MLLT3: variants seen among roughly 807,000 people sequenced by gnomAD.
MLLT3 encodes MLLT3 super elongation complex subunit.
A neutral mutation model predicts 53.2 loss-of-function variants in MLLT3; 4 were observed. The observed-to-expected ratio is 0.08, with a 90% CI of 0.04 to 0.17. The LOEUF (loss-of-function observed/expected upper bound fraction) is 0.17. Among genes scored for constraint, MLLT3 ranks in the 10% least tolerant of loss-of-function variants. The pLI is 1.00. For synonymous variants in MLLT3, 283 were observed against 230.6 expected, an observed-to-expected ratio of 1.23 and a Z score of -2.06; for missense variants, 569 against 684.0, an observed-to-expected ratio of 0.83 and a Z score of 1.87.
rs1459116065 is a variant in MLLT3 at position 20,588,282 on chromosome 9, T to C, written c.193+32372A>G. 4.0e-5 allele frequency among the ~76,000 whole-genome samples: 6 copies of C among 149,994 alleles called. No homozygotes were observed. The East Asian group carries it at 1.2e-3, about 30-fold the overall frequency. On this transcript the variant is annotated intron_variant, in intron 2 of 10. Coordinates refer to ENST00000380338, the MANE Select transcript of MLLT3 (RefSeq NM_004529.4). The stretch of plus-strand genomic sequence containing the variant: ...GTTTGAAGTCAGGTAGTGTGATGCC[T>C]CCAGCTTTGTTCTTTTGGCTTAGGA...
chr9:20,484,349 T>C (rs1824749973), intron 2 of MLLT3, among the ~76,000 whole-genome samples: 1 of 152,172 alleles, frequency 6.6e-6, no homozygotes, highest in African/African-American at 2.4e-5. Flanking sequence ...TCTTTTAACT[T>C]TGCCCTACCT....
chr9:20,505,428 GT>G (rs1201659670), intron 2 of MLLT3, among the ~76,000 whole-genome samples: 2 of 152,102 alleles, frequency 1.3e-5, no homozygotes, highest in Non-Finnish European at 2.9e-5. Context: ...AGAAACCAGA[GT>G]GCCTGAGATG....
At chr9:20,410,332 T>G (rs1249183515) in intron 5 of MLLT3, among the ~76,000 whole-genome samples, 1 of 152,204 alleles carries the variant, frequency 6.6e-6, no homozygotes, top group Non-Finnish European at 1.5e-5. Context: ...TAGCAATAGC[T>G]AACTTACATT....
At chr9:20,616,573 T>C (rs1820839174) in intron 2 of MLLT3, among the ~76,000 whole-genome samples, 1 of 152,188 alleles carries the variant, frequency 6.6e-6, no homozygotes. Context: ...TGATGCCCGC[T>C]AATGCAAATT....
chr9:20,533,918 G>A (rs1818409516), intron 2 of MLLT3, among the ~76,000 whole-genome samples: 1 of 152,164 alleles, frequency 6.6e-6, no homozygotes. Context: ...GTTAGTCAAA[G>A]GGCACAAAGT....
chr9:20,430,135 T>C (rs1823229996), intron 4 of MLLT3, among the ~76,000 whole-genome samples: 1 of 152,050 alleles, frequency 6.6e-6, no homozygotes, highest in South Asian at 2.1e-4. Flanking sequence ...AAACAAAATA[T>C]AAAGTAGCTA....
chr9:20,442,849 A>C (rs775960535), intron 4 of MLLT3, among the ~76,000 whole-genome samples: 5 of 152,210 alleles, frequency 3.3e-5, no homozygotes, highest in Non-Finnish European at 1.5e-5. Context: ...ATTATGCTGC[A>C]GATTTAATAC....
chr9:20,410,272 T>C (rs539998691), intron 5 of MLLT3, among the ~76,000 whole-genome samples: 1 of 152,006 alleles, frequency 6.6e-6, no homozygotes, highest in Admixed American at 6.5e-5. Flanking sequence ...AGAGAAAAAA[T>C]CTCTTTCAAA....
intron 10 of MLLT3, among the ~76,000 whole-genome samples, chr9:20,349,389 T>C (rs903329767): frequency 5.9e-5 from 9 of 152,186 alleles, no homozygotes; most frequent in Non-Finnish European, 1.0e-4. Context: ...TCCTTAATTA[T>C]CTGGGAGGTG....
At chr9:20,464,481 C>T (rs73648215) in intron 2 of MLLT3, among the ~76,000 whole-genome samples, 12,836 of 152,062 alleles carry the variant, frequency 0.084, 752 homozygotes, top group East Asian at 0.21. Flanking sequence ...AGAAAGACAA[C>T]ATGCATATAT....
intron 2 of MLLT3, among the ~76,000 whole-genome samples, chr9:20,581,965 A>G (rs1450750825): frequency 6.6e-6 from 1 of 152,188 alleles, no homozygotes; most frequent in Non-Finnish European, 1.5e-5. Flanking sequence ...CTGATGCTCA[A>G]TCCAGCCGCA....
In MLLT3 at chr9:20,458,446, T is replaced by C. The variant is rs114205495; in HGVS notation, c.194-1660A>G. Among the ~76,000 whole-genome samples the C allele has an allele frequency of 2.6e-3, 394 of 152,290 alleles. 1 individual carries two copies. The highest frequency in any genetic ancestry group is 8.4e-3 in the African/African-American group (349 of 41,556). On this transcript the variant is annotated intron_variant, in intron 2 of 10. Coordinates refer to ENST00000380338, the MANE Select transcript of MLLT3 (RefSeq NM_004529.4). ...ATCTTAGATCTCTGGGTTCCTCTTC[T>C]AGACAATCTGAAGACTAAACAAGGT...
intron 9 of MLLT3, 56 bp downstream of exon 9, chr9:20,354,752 A>G (rs2118611568): frequency 3.4e-6 from 4 of 1,186,070 alleles, no homozygotes; most frequent in African/African-American, 1.5e-5. Flanking sequence ...GGCAACACAA[A>G]GAAACGGAAG....
intron 2 of MLLT3, among the ~76,000 whole-genome samples, chr9:20,590,871 G>T (rs1820110675): frequency 6.6e-6 from 1 of 151,996 alleles, no homozygotes; most frequent in Non-Finnish European, 1.5e-5. Context: ...GAGTAGTTGG[G>T]ATGGATGATG....
At chr9:20,437,330 C>T (rs1197610193) in intron 4 of MLLT3, among the ~76,000 whole-genome samples, 1 of 151,506 alleles carries the variant, frequency 6.6e-6, no homozygotes, top group Non-Finnish European at 1.5e-5. Context: ...AAAGGTAAAT[C>T]AGAATAAAGG....
Position 20,608,850 on chromosome 9 carries a change from A to G in MLLT3, c.193+11804T>C, listed in dbSNP as rs192078865. On this transcript the variant is annotated intron_variant, in intron 2 of 10. Transcript: ENST00000380338. ...AAGCCAACGAATTTTACTGACAACA[A>G]TAAGAAGTTCCTGATATCCCACGTC... is the stretch of plus-strand genomic sequence containing the variant. Among the ~76,000 whole-genome samples the G allele has an allele frequency of 1.6e-3, 246 of 152,144 alleles. 2 individuals carry two copies. The highest frequency in any genetic ancestry group is 5.3e-3 in the African/African-American group (222 of 41,568).
intron 2 of MLLT3, among the ~76,000 whole-genome samples, chr9:20,606,489 T>G (rs1820574310): frequency 6.6e-6 from 1 of 152,226 alleles, no homozygotes; most frequent in Admixed American, 6.5e-5. Context: ...GAGAATTACA[T>G]TATACTCCAT....
At chr9:20,588,449 C>T (rs1426369985) in intron 2 of MLLT3, among the ~76,000 whole-genome samples, 13 of 152,150 alleles carry the variant, frequency 8.5e-5, no homozygotes, top group Middle Eastern at 3.4e-3. Flanking sequence ...GCCATTTTCA[C>T]GATATTGATT....
At chr9:20,568,126 A>G (rs1471908540) in intron 2 of MLLT3, among the ~76,000 whole-genome samples, 1 of 152,194 alleles carries the variant, frequency 6.6e-6, no homozygotes, top group Non-Finnish European at 1.5e-5. Context: ...GATACGTAAC[A>G]TTTTAAAAGC....
Sources: allele counts gnomAD v4.1 joint callset (sites outside exome capture counted in the v4.1 genomes callset), GRCh38; gene constraint gnomAD v4.1.1; transcripts MANE v1.5; gene names NCBI Gene and HGNC (gene_info 2026-07-23, HGNC 2026-07-21).